The following RPH3AL variants were observed in gnomAD, a reference collection of about 807,000 sequenced individuals.
The protein encoded by RPH3AL is rab effector Noc2.
A neutral mutation model predicts 43.1 loss-of-function variants in RPH3AL; 38 were observed. The observed-to-expected ratio is 0.88, with a 90% CI of 0.68 to 1.15. The LOEUF is 1.15. Among genes scored for constraint, RPH3AL ranks in the 50% most tolerant of loss-of-function variants. The probability of loss-of-function intolerance (pLI) is 0.00; values close to 1 mark genes in which losing one functional copy is unlikely to be tolerated. For missense variants in RPH3AL, 462 were observed against 423.2 expected, an observed-to-expected ratio of 1.09 and a Z score of -0.81; for synonymous variants, 189 against 176.3, an observed-to-expected ratio of 1.07 and a Z score of -0.57.
chr17:258,590 C>T (rs566622762), intron 6 of RPH3AL, among the ~76,000 whole-genome samples: 3 of 152,238 alleles, frequency 2.0e-5, no homozygotes, highest in Non-Finnish European at 2.9e-5. Flanking sequence ...TCCCAGCCCC[C>T]GGCCCGTGCC....
intron 6 of RPH3AL, among the ~76,000 whole-genome samples, chr17:256,478 A>G (rs76304158): frequency 0.014 from 30 of 2,086 alleles, no homozygotes; most frequent in African/African-American, 0.028. Flanking sequence ...GTCCTTTTCC[A>G]TCCCTAGGAA....
intron 3 of RPH3AL, among the ~76,000 whole-genome samples, chr17:325,274 G>A (rs1238759935): frequency 1.3e-5 from 2 of 152,144 alleles, no homozygotes; most frequent in Non-Finnish European, 2.9e-5. Context: ...CTGGGTATAC[G>A]TCCTTCATTG....
intron 5 of RPH3AL, among the ~76,000 whole-genome samples, chr17:307,786 G>T (rs185706440): frequency 1.3e-5 from 2 of 152,200 alleles, no homozygotes; most frequent in African/African-American, 2.4e-5. Flanking sequence ...GCTCAGCACC[G>T]CACAAGATAG....
rs953318728 is a variant in RPH3AL, at chr17:333,031, C to A, written c.-37+728G>T. The stretch of plus-strand genomic sequence containing the variant: ...CCCCAGGCAACTTCCTGAGACAGAT[C>A]GGTAAAAACAACCCCTTCTTCCAGG... On this transcript the variant is annotated intron_variant, in intron 2 of 9. Coordinates refer to ENST00000331302, the MANE Select transcript of RPH3AL (RefSeq NM_006987.4). The surrounding 1 kb of genome is among the most constrained non-coding windows in gnomAD (Gnocchi z 4.5). 2 of 1,288,978 alleles carry A rather than the reference C, an allele frequency of 1.6e-6. No homozygotes were observed. The highest frequency in any genetic ancestry group is 1.2e-5 in the South Asian group (1 of 81,022). 79.8% of individuals were successfully genotyped at this position (1,288,978 alleles called of 1,614,324 possible).
rs557480052 is a variant in RPH3AL, at chr17:347,393, T to A, written c.-213+5319A>T. Among the ~76,000 whole-genome samples the A allele has an allele frequency of 2.0e-5, 3 of 152,234 alleles. No individual in the cohort carries two copies. In the East Asian group the frequency reaches 5.8e-4, roughly 29 times the overall value. On this transcript the variant is annotated intron_variant, in intron 1 of 9. Transcript: ENST00000331302. Reference sequence around the variant, plus strand: ...TGCAAAACAGTACAGCCAACCTGGGTAGCACAGTGGGACTTTGTATCTATG... The same window carrying A: ...TGCAAAACAGTACAGCCAACCTGGGAAGCACAGTGGGACTTTGTATCTATG...
At position 245,183 on chromosome 17, in the gene RPH3AL, ATGTC is replaced by A. The variant is rs1214589310; in HGVS notation, c.613+1924_613+1927del. Reference sequence around the variant, plus strand: ...CATGGATGTGTCTGTGTGTACGTGGATGTCTGTGTGTGTGGATGTGAGCGTGTGT... The same window carrying A: ...CATGGATGTGTCTGTGTGTACGTGGATGTGTGTGTGGATGTGAGCGTGTGT... On this transcript the variant is annotated intron_variant, in intron 7 of 9. Transcript: ENST00000331302. This position sits in a 1 kb window ranked among gnomAD's most constrained non-coding sequence, Gnocchi z 5.9. Among the ~76,000 whole-genome samples, 2 of 137,386 alleles carry A rather than the reference ATGTC, an allele frequency of 1.5e-5. No individual in the cohort carries two copies. Among genetic ancestry groups the A allele is most frequent in the African/African-American group, 2.8e-5 (1 of 35,568 alleles). 90.1% of individuals were successfully genotyped at this position (137,386 alleles called of 152,430 possible).
chr17:237,099 C>T lies in RPH3AL; in HGVS notation c.613+10012G>A, dbSNP rs542309096. Among the ~76,000 whole-genome samples the T allele has an allele frequency of 2.0e-5, 3 of 151,650 alleles. No homozygotes were observed. In the East Asian group the frequency reaches 5.9e-4, roughly 30 times the overall value. On this transcript the variant is annotated intron_variant, in intron 7 of 9. Coordinates refer to ENST00000331302, the MANE Select transcript of RPH3AL (RefSeq NM_006987.4). ...CTCTTCCCGGAAGACAGGTAGAGGG[C>T]GTGGGGTGGGGGCGGCAGGATCACT...
At chr17:220,152 C>T (rs1218027416) in intron 7 of RPH3AL, among the ~76,000 whole-genome samples, 1 of 151,934 alleles carries the variant, frequency 6.6e-6, no homozygotes, top group Non-Finnish European at 1.5e-5. Context: ...AGCTCTGAGG[C>T]CTCCACTCAC....
intron 6 of RPH3AL, among the ~76,000 whole-genome samples, chr17:272,955 GC>G (rs2042518315): frequency 9.7e-5 from 4 of 41,116 alleles, no homozygotes; most frequent in East Asian, 1.4e-3. Flanking sequence ...CCCAGCAAGG[GC>G]TACGTCAGGG....
intron 6 of RPH3AL, among the ~76,000 whole-genome samples, chr17:247,929 C>T (rs76211610): frequency 0.11 from 16,728 of 152,110 alleles, 1,191 homozygotes; most frequent in Non-Finnish European, 0.15. Context: ...GCTGACCTCC[C>T]GGGCACCTTC....
At chr17:330,402 G>C (rs1041439374) in intron 2 of RPH3AL, among the ~76,000 whole-genome samples, 13 of 152,240 alleles carry the variant, frequency 8.5e-5, no homozygotes, top group African/African-American at 3.1e-4. Flanking sequence ...GAGGCTAATG[G>C]ACAAGCAAGG....
At chr17:296,692 A>C (rs2151630715) in intron 5 of RPH3AL, among the ~76,000 whole-genome samples, 1 of 152,342 alleles carries the variant, frequency 6.6e-6, no homozygotes, top group Non-Finnish European at 1.5e-5. Flanking sequence ...GCAGGGCCCA[A>C]AGACGGGCTG....
chr17:240,434 C>T (rs940956546), intron 7 of RPH3AL, among the ~76,000 whole-genome samples: 2 of 152,144 alleles, frequency 1.3e-5, no homozygotes, highest in African/African-American at 4.8e-5. Context: ...TACCCATTAG[C>T]AGTCAGTCCC....
In RPH3AL at chr17:255,941, C is replaced by T. The variant is rs1278697527; in HGVS notation, c.439-8656G>A. On this transcript the variant is annotated intron_variant, in intron 6 of 9. Coordinates refer to ENST00000331302, the MANE Select transcript of RPH3AL (RefSeq NM_006987.4). ...GAGCCGCACGGCGTCTGTCCTTTTC[C>T]ATCCCTAGGAATATGACTACCCTAC... Among the ~76,000 whole-genome samples the T allele has an allele frequency of 9.2e-5, 3 of 32,590 alleles. 1 individual carries two copies. The highest frequency in any genetic ancestry group is 6.7e-4 in the East Asian group (1 of 1,486). 21.4% of individuals were successfully genotyped at this position (32,590 alleles called of 152,430 possible).
chr17:269,658 G>T (rs1369484571), intron 6 of RPH3AL, among the ~76,000 whole-genome samples: 1 of 152,210 alleles, frequency 6.6e-6, no homozygotes, highest in Non-Finnish European at 1.5e-5. Flanking sequence ...GAGGACAATG[G>T]GCTCCCGTGG....
chr17:297,867 G>A (rs1426687081), intron 5 of RPH3AL, among the ~76,000 whole-genome samples: 1 of 152,156 alleles, frequency 6.6e-6, no homozygotes, highest in East Asian at 1.9e-4. Flanking sequence ...TTACTCCCGG[G>A]CCCTGGACTA....
At chr17:347,096 A>C (rs1329651452) in intron 1 of RPH3AL, among the ~76,000 whole-genome samples, 1 of 134,118 alleles carries the variant, frequency 7.5e-6, no homozygotes, top group Non-Finnish European at 1.7e-5. Context: ...GTCTCTACTA[A>C]AAATACAAAA....
At chr17:307,655 G>C (rs1374159610) in intron 5 of RPH3AL, among the ~76,000 whole-genome samples, 2 of 152,170 alleles carry the variant, frequency 1.3e-5, no homozygotes, top group African/African-American at 4.8e-5. Context: ...GAAAGCTCTG[G>C]GCCTTGCCAG....
At position 321,343 on chromosome 17, in the gene RPH3AL, C is replaced by T. The variant is rs199550644; in HGVS notation, c.150G>A (p.Ala50=). Residue 50 remains alanine (A), a synonymous_variant, in exon 4 of 10, where the codon GCG becomes GCA. Coordinates refer to ENST00000331302, the MANE Select transcript of RPH3AL (RefSeq NM_006987.4). ...TGACCTGCAGGATGGCCTCCACCTCCGCCGGGCTGAGGTGCTGCTTCCTCC... is the reference window on the plus strand; with the variant it reads ...TGACCTGCAGGATGGCCTCCACCTCTGCCGGGCTGAGGTGCTGCTTCCTCC... ...KQRRKQHLSP[A]EVEAILQVIQ... 263 of 1,611,650 alleles carry T rather than the reference C, an allele frequency of 1.6e-4. 2 individuals are homozygous for T. The East Asian group carries it at 5.3e-3, about 33-fold the overall frequency.
Sources: gnomAD v4.1 joint callset for allele counts (sites outside exome capture counted in the v4.1 genomes callset) on GRCh38, gnomAD v4.1.1 for gene constraint, Gnocchi (gnomAD v3.1) non-coding constraint, MANE v1.5 for transcripts, NCBI Gene and HGNC (gene_info 2026-07-23, HGNC 2026-07-21) for gene names.